The following LRRC7 variants were observed in gnomAD, a reference collection of about 807,000 sequenced individuals.
The protein encoded by LRRC7 is leucine rich repeat containing 7.
In LRRC7, 23 loss-of-function variants were observed where a neutral mutation model predicts 175.7. The ratio of observed to expected loss-of-function variants is 0.13; its 90% CI spans 0.09 to 0.19. The LOEUF is 0.19. LRRC7 is among the 10% of genes least tolerant of loss of function. The pLI is 1.00. For synonymous variants in LRRC7, 685 were observed against 680.9 expected, an observed-to-expected ratio of 1.01 and a Z score of -0.09; for missense variants, 1,354 against 1,904.7, an observed-to-expected ratio of 0.71 and a Z score of 5.38.
At chr1:69,715,487 A>G (rs569726363) in intron 2 of LRRC7, among the ~76,000 whole-genome samples, 73 of 152,216 alleles carry the variant, frequency 4.8e-4, no homozygotes, top group Non-Finnish European at 8.7e-4. Context: ...CATCAGTCTC[A>G]TGCAAGTCAC....
In LRRC7 at chr1:69,951,187, A is replaced by C. The variant is rs543296006; in HGVS notation, c.711+19617A>C. ...CGGCCAACAAACATATGAAAAAAAA[A>C]CCCGCAATATCACTGATCACTAGAG... On this transcript the variant is annotated intron_variant, in intron 8 of 26. Transcript: ENST00000651989. 3.0e-4 allele frequency among the ~76,000 whole-genome samples: 46 copies of C among 152,084 alleles called. 1 individual carries two copies. Among genetic ancestry groups the C allele is most frequent in the South Asian group, 1.9e-3 (9 of 4,822 alleles).
Position 70,016,602 on chromosome 1 carries a change from T to G in LRRC7, c.1320+68T>G. ...TAATTGAAAGTTTGAATTACTAATT[T>G]ATTCCCAATAGATACCTTTGACAGC... is the stretch of plus-strand genomic sequence containing the variant. On this transcript the variant is annotated intron_variant, in intron 14 of 26. Coordinates refer to ENST00000651989, the MANE Select transcript of LRRC7 (RefSeq NM_001370785.2). 4 of 1,199,512 alleles carry G rather than the reference T, an allele frequency of 3.3e-6. 1 individual carries two copies. Among genetic ancestry groups the G allele is most frequent in the South Asian group, 3.3e-5 (2 of 59,708 alleles). The allele number at this position is 1,199,512 out of a possible 1,614,324, so 74.3% of individuals were successfully genotyped here. A position where few individuals can be genotyped will look rare whatever the true frequency, so the allele number is the denominator to read the frequency against.
intron 7 of LRRC7, among the ~76,000 whole-genome samples, chr1:69,888,519 C>A (rs1557855134): frequency 2.0e-5 from 3 of 152,150 alleles, no homozygotes; most frequent in Non-Finnish European, 4.4e-5. Context: ...CACTGTCTGG[C>A]ACTCCCTAGT....
At chr1:69,832,200 A>G (rs892044070) in intron 5 of LRRC7, among the ~76,000 whole-genome samples, 3 of 152,190 alleles carry the variant, frequency 2.0e-5, no homozygotes, top group Admixed American at 6.5e-5. Flanking sequence ...TCTGGGTAAC[A>G]GTGTAAAACA....
In LRRC7 at chr1:69,781,738, AGAGAGAGAG is replaced by A. The variant is rs1673614229; in HGVS notation, c.304-10304_304-10296del. Among the ~76,000 whole-genome samples the A allele has an allele frequency of 1.1e-3, 49 of 44,516 alleles. 8 individuals are homozygous for A. Among genetic ancestry groups the A allele is most frequent in the East Asian group, 3.5e-3 (4 of 1,128 alleles). The allele number at this position is 44,516 out of a possible 152,430, so 29.2% of individuals were successfully genotyped here. ...AAGAAAGAAAGAAAGAAAGAAAGAG[AGAGAGAGAG>A]AGAGAGAGAGAGAGAGAGAAAGAAA... On this transcript the variant is annotated intron_variant, in intron 3 of 26. Transcript: ENST00000651989.
At chr1:69,800,382 T>C (rs986343009) in intron 4 of LRRC7, among the ~76,000 whole-genome samples, 1 of 151,972 alleles carries the variant, frequency 6.6e-6, no homozygotes, top group African/African-American at 2.4e-5. Flanking sequence ...GGGAGTGGAA[T>C]GTTTTCCCAT....
chr1:69,793,204 GC>G (rs1210343715), intron 4 of LRRC7, among the ~76,000 whole-genome samples: 1 of 152,104 alleles, frequency 6.6e-6, no homozygotes, highest in African/African-American at 2.4e-5. Context: ...GATTAAATAA[GC>G]AATTTTGTGT....
At chr1:70,059,064 G>A (rs139216079) in intron 23 of LRRC7, among the ~76,000 whole-genome samples, 486 of 152,224 alleles carry the variant, frequency 3.2e-3, no homozygotes, top group African/African-American at 9.8e-3. Context: ...CAAACACTTC[G>A]CTTCTGGAAT....
At chr1:69,904,580 TA>T (rs1646237629) in intron 7 of LRRC7, among the ~76,000 whole-genome samples, 2 of 152,138 alleles carry the variant, frequency 1.3e-5, no homozygotes, top group Non-Finnish European at 2.9e-5. Flanking sequence ...TCGAGTAACA[TA>T]AAAAATTATG....
chr1:69,781,599 T>C (rs1227633463), intron 3 of LRRC7, among the ~76,000 whole-genome samples: 1 of 149,504 alleles, frequency 6.7e-6, no homozygotes, highest in Middle Eastern at 3.5e-3. Context: ...GGAGAATCGC[T>C]TGAACCTGGG....
intron 1 of LRRC7, among the ~76,000 whole-genome samples, chr1:69,633,417 G>GTTAT (rs138749873): frequency 0.13 from 19,238 of 150,998 alleles, 1,548 homozygotes; most frequent in South Asian, 0.18. Context: ...AATTTTTTTT[G>GTTAT]TTATTTATTT....
chr1:69,727,296 C>A (rs530883965), intron 2 of LRRC7, among the ~76,000 whole-genome samples: 1 of 152,290 alleles, frequency 6.6e-6, no homozygotes, highest in Admixed American at 6.5e-5. Context: ...CACCTCACAG[C>A]TTCCCAGGAG....
intron 1 of LRRC7, among the ~76,000 whole-genome samples, chr1:69,576,477 C>A (rs1037590284): frequency 7.9e-5 from 12 of 151,984 alleles, no homozygotes; most frequent in Non-Finnish European, 1.5e-4. Context: ...GATTATAAAG[C>A]ATTTTTGAAA....
chr1:69,825,592 GTTA>G (rs1679813807), intron 4 of LRRC7, among the ~76,000 whole-genome samples, 153 bp from the exon 5 acceptor site: 1 of 151,788 alleles, frequency 6.6e-6, no homozygotes, highest in South Asian at 2.1e-4. Context: ...ATATTGATAT[GTTA>G]TTAAGTTTTT....
intron 1 of LRRC7, among the ~76,000 whole-genome samples, chr1:69,650,539 C>CAAAGAAAAAAAAAAAAAA (rs1655665646): frequency 1.3e-5 from 1 of 79,220 alleles, no homozygotes; most frequent in Non-Finnish European, 2.4e-5. Flanking sequence ...GACTCCGTCT[C>CAAAGAAAAAAAAAAAAAA]AAAAAAAAAA....
intron 7 of LRRC7, among the ~76,000 whole-genome samples, chr1:69,849,277 G>A (rs1277838738): frequency 6.6e-6 from 1 of 151,918 alleles, no homozygotes; most frequent in Non-Finnish European, 1.5e-5. Flanking sequence ...TTAAAAAGTA[G>A]GAGCATTATT....
intron 2 of LRRC7, among the ~76,000 whole-genome samples, chr1:69,750,153 G>C (rs1052609512): frequency 4.6e-5 from 7 of 151,764 alleles, no homozygotes; most frequent in Non-Finnish European, 8.8e-5. Context: ...GAATCTTGTA[G>C]AGCACCCTTT....
At chr1:69,655,981 T>C (rs1389511840) in intron 1 of LRRC7, among the ~76,000 whole-genome samples, 1 of 152,010 alleles carries the variant, frequency 6.6e-6, no homozygotes, top group African/African-American at 2.4e-5. Flanking sequence ...ATATTTACAT[T>C]GTTTTCCAGA....
At chr1:69,654,660 A>C (rs978089553) in intron 1 of LRRC7, among the ~76,000 whole-genome samples, 1 of 152,140 alleles carries the variant, frequency 6.6e-6, no homozygotes, top group East Asian at 1.9e-4. Flanking sequence ...TTAAAAACCC[A>C]TTTTTGAATC....
Sources: gnomAD v4.1 joint callset for allele counts (sites outside exome capture counted in the v4.1 genomes callset) on GRCh38, gnomAD v4.1.1 for gene constraint, MANE v1.5 for transcripts, NCBI Gene and HGNC (gene_info 2026-07-23, HGNC 2026-07-21) for gene names.